The following HHLA2 variants were observed in gnomAD, a reference collection of about 807,000 sequenced individuals.
The protein encoded by HHLA2 is HHLA2 member of B7 family.
A neutral mutation model predicts 45.9 loss-of-function variants in HHLA2; 48 were observed. The ratio of observed to expected loss-of-function variants is 1.05; its 90% CI spans 0.83 to 1.33. The LOEUF (loss-of-function observed/expected upper bound fraction) is 1.33, where lower values mean the gene tolerates loss of function less well. Among genes scored for constraint, HHLA2 ranks in the 40% most tolerant of loss-of-function variants. The probability of loss-of-function intolerance (pLI) is 0.00; values close to 1 mark genes in which losing one functional copy is unlikely to be tolerated. For synonymous variants in HHLA2, 161 were observed against 173.9 expected (o/e 0.93, Z 0.59); for missense variants, 462 against 494.3 (o/e 0.93, Z 0.62).
At chr3:108,317,398 A>C (rs2081120095) in intron 2 of HHLA2, among the ~76,000 whole-genome samples, 1 of 152,168 alleles carries the variant, frequency 6.6e-6, no homozygotes, top group Non-Finnish European at 1.5e-5. Context: ...TTTAGAAATT[A>C]AGCAGGCAAG....
At chr3:108,362,041 C>A (rs1247807663) in intron 7 of HHLA2, among the ~76,000 whole-genome samples, 1 of 152,120 alleles carries the variant, frequency 6.6e-6, no homozygotes, top group Non-Finnish European at 1.5e-5. Context: ...CCAGCTCCCC[C>A]ACCTCCACCA....
intron 1 of HHLA2, among the ~76,000 whole-genome samples, chr3:108,301,391 C>A (rs58124143): frequency 0.055 from 8,343 of 152,114 alleles, 339 homozygotes; most frequent in East Asian, 0.23. Context: ...TGTATAGGTT[C>A]TATTTTCCCA....
In HHLA2 at chr3:108,306,623, T is replaced by A. The variant is rs555413939; in HGVS notation, c.-191-4032T>A. Among the ~76,000 whole-genome samples the A allele has an allele frequency of 2.0e-4, 31 of 152,296 alleles. 1 individual carries two copies. In the East Asian group the frequency reaches 4.8e-3, roughly 24 times the overall value. On this transcript the variant is annotated intron_variant, in intron 1 of 10. Transcript: ENST00000619531. ...TTAAGGAAAGATTCTCAGAAAACTG[T>A]TTTTAAATCCACTGGCAGAATGTTG...
chr3:108,338,310 G>C (rs2081509345), intron 3 of HHLA2, among the ~76,000 whole-genome samples: 1 of 152,022 alleles, frequency 6.6e-6, no homozygotes, highest in African/African-American at 2.4e-5. Context: ...TGAGGTGTCA[G>C]TACACTTTTA....
intron 2 of HHLA2, among the ~76,000 whole-genome samples, chr3:108,324,969 A>T (rs2081263372): frequency 6.6e-6 from 1 of 152,272 alleles, no homozygotes; most frequent in African/African-American, 2.4e-5. Context: ...TATACTTTTC[A>T]TGGGCAATGA....
intron 8 of HHLA2, among the ~76,000 whole-genome samples, chr3:108,367,253 C>A (rs1447547485): frequency 6.6e-6 from 1 of 152,124 alleles, no homozygotes; most frequent in East Asian, 1.9e-4. Flanking sequence ...TGAGGAAAAA[C>A]CAGCACAAAA....
At chr3:108,340,909 TTCCTTCC>T (rs200217475) in intron 3 of HHLA2, among the ~76,000 whole-genome samples, 3,090 of 62,428 alleles carry the variant, frequency 0.049, 171 homozygotes, top group East Asian at 0.23. Context: ...TTTTTTTTTT[TTCCTTCC>T]TTCCTTCCTT....
At chr3:108,300,426 C>G (rs184644061) in intron 1 of HHLA2, among the ~76,000 whole-genome samples, 1 of 152,054 alleles carries the variant, frequency 6.6e-6, no homozygotes, top group African/African-American at 2.4e-5. Flanking sequence ...TGCTCTTAGA[C>G]GAAACCAGTT....
chr3:108,329,710 T>C (rs2081351476), intron 3 of HHLA2, among the ~76,000 whole-genome samples: 1 of 152,114 alleles, frequency 6.6e-6, no homozygotes, highest in African/African-American at 2.4e-5. Flanking sequence ...GCCCCTCTCT[T>C]TGTGGGCGTG....
At chr3:108,315,793 GTTTTC>G (rs2081093317) in intron 2 of HHLA2, among the ~76,000 whole-genome samples, 1 of 152,032 alleles carries the variant, frequency 6.6e-6, no homozygotes, top group Non-Finnish European at 1.5e-5. Flanking sequence ...TATACCTTGC[GTTTTC>G]TTTTATCTTG....
At chr3:108,376,446 G>A (rs1236982411) in intron 9 of HHLA2, 47 bp from the exon 9 acceptor site, 5 of 1,466,898 alleles carry the variant, frequency 3.4e-6, no homozygotes, top group Admixed American at 2.0e-5. Flanking sequence ...GAGAATTTTG[G>A]TGTTTGCAAA....
At chr3:108,313,893 T>C (rs1041813896) in intron 2 of HHLA2, among the ~76,000 whole-genome samples, 1 of 152,206 alleles carries the variant, frequency 6.6e-6, no homozygotes, top group African/African-American at 2.4e-5. Context: ...CGAGCATACA[T>C]CTTTCAGGGT....
intron 10 of HHLA2, 127 bp downstream of exon 9, chr3:108,376,684 G>T (rs771025152): frequency 1.3e-6 from 1 of 747,100 alleles, no homozygotes; most frequent in Non-Finnish European, 2.2e-6. Context: ...ACAGCAGCAG[G>T]GGTTGCAGGA....
At chr3:108,320,642 T>C (rs1342622959) in intron 2 of HHLA2, among the ~76,000 whole-genome samples, 1 of 152,126 alleles carries the variant, frequency 6.6e-6, no homozygotes, top group African/African-American at 2.4e-5. Context: ...GTCCTAAATA[T>C]TATATAGATT....
At chr3:108,346,750 C>T (rs2081667748) in intron 3 of HHLA2, among the ~76,000 whole-genome samples, 1 of 152,174 alleles carries the variant, frequency 6.6e-6, no homozygotes, top group South Asian at 2.1e-4. Flanking sequence ...TTGAGCGTTA[C>T]TAATGTGCAG....
At position 108,376,521 on chromosome 3, in the gene HHLA2, C is replaced by T. The variant is rs544693566; in HGVS notation, c.1188C>T (p.Arg396=). The T allele has an allele frequency of 8.1e-6, 13 of 1,612,580 alleles. No homozygotes were observed. In the East Asian group the frequency reaches 2.9e-4, roughly 36 times the overall value. The change falls in exon 10 of 11, where the codon CGC becomes CGT. Residue 396 remains arginine, a synonymous_variant. Transcript: ENST00000619531. ...GATGTTGTGTCCCTCCTGGTGAGCG[C>T]TGTCCCAGTGCACCCGATAATGGCG...
chr3:108,348,260 C>T (rs1277026718), intron 3 of HHLA2, among the ~76,000 whole-genome samples: 2 of 152,004 alleles, frequency 1.3e-5, no homozygotes, highest in African/African-American at 2.4e-5. Context: ...GTTCCAGAAA[C>T]CAAGAGAAGA....
At chr3:108,310,822 C>T (rs2081006078) in intron 2 of HHLA2, 81 bp downstream of exon 2, 2 of 152,540 alleles carry the variant, frequency 1.3e-5, no homozygotes, top group Admixed American at 6.6e-5. Context: ...ATTTAAAAGA[C>T]ATATTCAGTC....
At chr3:108,302,224 T>C (rs1447869577) in intron 1 of HHLA2, among the ~76,000 whole-genome samples, 1 of 152,168 alleles carries the variant, frequency 6.6e-6, no homozygotes, top group Non-Finnish European at 1.5e-5. Flanking sequence ...CCTGATTTCA[T>C]TTTCTGTTCT....
Sources: allele counts gnomAD v4.1 joint callset (sites outside exome capture counted in the v4.1 genomes callset), GRCh38; gene constraint gnomAD v4.1.1; transcripts MANE v1.5; gene names NCBI Gene and HGNC (gene_info 2026-07-23, HGNC 2026-07-21).